Variants in PIK3CD observed in about 807,000 individuals in gnomAD.
PIK3CD encodes the protein phosphatidylinositol 4,5-bisphosphate 3-kinase catalytic subunit delta isoform.
Under a neutral mutation model 122.9 loss-of-function variants are expected in PIK3CD, and 20 were observed. The observed-to-expected ratio is 0.16, with a 90% CI of 0.11 to 0.24. PIK3CD has a LOEUF of 0.24. Ranked by LOEUF, PIK3CD falls within the 10% of genes least tolerant of loss-of-function variation. The probability of loss-of-function intolerance (pLI) is 1.00; values close to 1 mark genes in which losing one functional copy is unlikely to be tolerated. For missense variants in PIK3CD, 787 were observed against 1,406.3 expected (o/e 0.56, Z 7.04); for synonymous variants, 596 against 593.4 (o/e 1.00, Z -0.06).
the PIK3CD span, among the ~76,000 whole-genome samples, chr1:9,643,884 C>T: frequency 1.3e-5 from 2 of 152,150 alleles, no homozygotes; most frequent in East Asian, 1.9e-4. Flanking sequence ...GGTAAAGACT[C>T]GAGCTGGGTA....
chr1:9,672,613 CAG>C (rs1645366071), intron 1 of PIK3CD: 1 of 152,028 alleles, frequency 6.6e-6, no homozygotes, highest in African/African-American at 2.4e-5. Flanking sequence ...TCGGTAGAGA[CAG>C]GGGTCTTGCT....
chr1:9,679,146 C>A (rs931449966), intron 1 of PIK3CD, among the ~76,000 whole-genome samples: 1 of 149,866 alleles, frequency 6.7e-6, no homozygotes, highest in African/African-American at 2.5e-5. Flanking sequence ...TGGCTCACTG[C>A]AACCTCCGCC....
chr1:9,718,230 C>T lies in PIK3CD; in HGVS notation c.1021-464C>T, dbSNP rs1319577680. On this transcript the variant is annotated intron_variant, in intron 8 of 23. Transcript: ENST00000377346. The surrounding 1 kb of genome is among the most constrained non-coding windows in gnomAD (Gnocchi z 7.2). ...GCAGGGCAGGTCTGGGTTCCACTGGCAGGAATCGAGGGGGACTGGATCAGA... is the reference window on the plus strand; with the variant it reads ...GCAGGGCAGGTCTGGGTTCCACTGGTAGGAATCGAGGGGGACTGGATCAGA... 5 of 468,244 alleles carry T rather than the reference C, an allele frequency of 1.1e-5. No homozygotes were observed. Among genetic ancestry groups the T allele is most frequent in the African/African-American group, 7.9e-5 (4 of 50,524 alleles). The allele number at this position is 468,244 out of a possible 1,614,324, so 29.0% of individuals were successfully genotyped here.
At position 9,722,197 on chromosome 1, in the gene PIK3CD, G is replaced by A. The variant is rs374044121; in HGVS notation, c.2234+44G>A. Reference sequence around the variant, plus strand: ...ACAAGGGTTCCTCCCACCCCTGGGAGGCCGGTAGAGGAGCCCCTGCTGACT... The same window carrying A: ...ACAAGGGTTCCTCCCACCCCTGGGAAGCCGGTAGAGGAGCCCCTGCTGACT... On this transcript the variant is annotated intron_variant, in intron 17 of 23. Transcript: ENST00000377346. This position sits in a 1 kb window ranked among gnomAD's most constrained non-coding sequence, Gnocchi z 7.6. 4.3e-4 allele frequency: 697 copies of A among 1,611,398 alleles called. No individual in the cohort carries two copies. Among genetic ancestry groups the A allele is most frequent in the South Asian group, 8.9e-4 (81 of 90,790 alleles).
upstream of PIK3CD, among the ~76,000 whole-genome samples, chr1:9,649,452 C>T (rs576296754): frequency 6.6e-6 from 1 of 152,098 alleles, no homozygotes; most frequent in Non-Finnish European, 1.5e-5. Flanking sequence ...AGGCTGGTCT[C>T]AAACTCCTGG....
At chr1:9,663,368 C>T (rs1281787692) in intron 1 of PIK3CD, among the ~76,000 whole-genome samples, 1 of 152,072 alleles carries the variant, frequency 6.6e-6, no homozygotes, top group Admixed American at 6.6e-5. Flanking sequence ...CGAGAGGGTG[C>T]GGAGGAACAT....
At chr1:9,674,737 A>G (rs1645452339) in intron 1 of PIK3CD, among the ~76,000 whole-genome samples, 1 of 151,504 alleles carries the variant, frequency 6.6e-6, no homozygotes, top group Admixed American at 6.6e-5. Flanking sequence ...AGAGAAAAGG[A>G]AAATACTAAG....
In PIK3CD at chr1:9,722,671, G is replaced by A. The variant is rs1557673481; in HGVS notation, c.2426+65G>A. On this transcript the variant is annotated intron_variant, in intron 19 of 23. Transcript: ENST00000377346. The surrounding 1 kb of genome is among the most constrained non-coding windows in gnomAD (Gnocchi z 7.6). ...CCCAGCCTGGGAGTCTGTGCCCCTG[G>A]AGGGGTCCTTGTTGAAGGTGGCATG... 1.5e-6 allele frequency: 2 copies of A among 1,355,404 alleles called. No homozygotes were observed. The highest frequency in any genetic ancestry group is 2.1e-6 in the Non-Finnish European group (2 of 946,628). The allele number at this position is 1,355,404 out of a possible 1,614,324, so 84.0% of individuals were successfully genotyped here.
intron 1 of PIK3CD, among the ~76,000 whole-genome samples, chr1:9,690,757 G>A (rs74969407): frequency 1.3e-5 from 2 of 152,202 alleles, no homozygotes; most frequent in African/African-American, 4.8e-5. Flanking sequence ...GGAGAAGCCG[G>A]TGGTTTTGGT....
At chr1:9,663,600 A>G (rs1206513200) in intron 1 of PIK3CD, among the ~76,000 whole-genome samples, 1 of 151,184 alleles carries the variant, frequency 6.6e-6, no homozygotes, top group Admixed American at 6.6e-5. Context: ...TTTTTTTATT[A>G]TACTTTAAGT....
chr1:9,650,237 C>T (rs1315367033), upstream of PIK3CD, among the ~76,000 whole-genome samples: 2 of 152,076 alleles, frequency 1.3e-5, no homozygotes, highest in African/African-American at 4.8e-5. Flanking sequence ...GCCTGGTGAA[C>T]ATGGCGAAAC....
At position 9,722,098 on chromosome 1, in the gene PIK3CD, G is replaced by A; in HGVS notation, c.2179G>A (p.Ala727Thr). Residue 727 changes from alanine to threonine, a missense_variant, in exon 17 of 24, where the codon GCC (alanine) becomes ACC (threonine). Ala to Thr is a moderately conservative substitution (Grantham distance 58). Coordinates refer to ENST00000377346, the MANE Select transcript of PIK3CD (RefSeq NM_005026.5). The surrounding 1 kb of genome is among the most constrained non-coding windows in gnomAD (Gnocchi z 7.6). ...CATGCGGCAGGAGGCCTACCTAGAGGCCCTCTCCCACCTGCAGTCCCCACT... is the reference window on the plus strand; with the variant it reads ...CATGCGGCAGGAGGCCTACCTAGAGACCCTCTCCCACCTGCAGTCCCCACT... ...LCMRQEAYLE[A>T]LSHLQSPLDP... The A allele has an allele frequency of 6.2e-7, 1 of 1,613,426 alleles. No individual in the cohort carries two copies. The highest frequency in any genetic ancestry group is 8.5e-7 in the Non-Finnish European group (1 of 1,179,980).
chr1:9,715,791 T>C lies in PIK3CD; in HGVS notation c.370+22T>C. ...AAAGGTAGCTCTGCCGAGTGGGCCG[T>C]GTGGCCGGGCTGGCCCTGCCTGCCC... On this transcript the variant is annotated intron_variant, in intron 4 of 23. Transcript: ENST00000377346. This position sits in a 1 kb window ranked among gnomAD's most constrained non-coding sequence, Gnocchi z 4.1. 6.2e-7 allele frequency: 1 copy of C among 1,612,562 alleles called. No homozygotes were observed. The highest frequency in any genetic ancestry group is 1.6e-4 in the Middle Eastern group (1 of 6,062).
At chr1:9,696,090 G>GC (rs1210703023) in intron 2 of PIK3CD, among the ~76,000 whole-genome samples, 7 of 150,960 alleles carry the variant, frequency 4.6e-5, no homozygotes, top group Admixed American at 4.0e-4. Flanking sequence ...TCCTGCCTCA[G>GC]CCCCCCGAGT....
intron 2 of PIK3CD, among the ~76,000 whole-genome samples, chr1:9,699,224 A>G (rs957278854): frequency 6.6e-6 from 1 of 152,090 alleles, no homozygotes; most frequent in African/African-American, 2.4e-5. Context: ...CCGTGCCAAA[A>G]AAAGAGTAGG....
intron 13 of PIK3CD, 81 bp from the exon 14 acceptor site, chr1:9,721,046 C>G: frequency 6.9e-7 from 1 of 1,455,860 alleles, no homozygotes; most frequent in Non-Finnish European, 9.5e-7. Flanking sequence ...ACCACCCTGA[C>G]CCTGGCTGGC....
chr1:9,671,699 GC>G (rs1045939591), intron 1 of PIK3CD, among the ~76,000 whole-genome samples: 12 of 152,040 alleles, frequency 7.9e-5, no homozygotes, highest in African/African-American at 2.7e-4. Context: ...TCCCGCCTCG[GC>G]CCCCCAAAGT....
chr1:9,715,874 C>T lies in PIK3CD; in HGVS notation c.396C>T (p.Cys132=), dbSNP rs189908126. 35 of 1,592,016 alleles carry T rather than the reference C, an allele frequency of 2.2e-5. No individual in the cohort carries two copies. Among genetic ancestry groups the T allele is most frequent in the African/African-American group, 1.1e-4 (8 of 74,414 alleles). The change falls in exon 5 of 24, where the codon TGC becomes TGT. Residue 132 remains cysteine (C), a synonymous_variant. Transcript: ENST00000377346. This position sits in a 1 kb window ranked among gnomAD's most constrained non-coding sequence, Gnocchi z 4.1. The stretch of plus-strand genomic sequence containing the variant: ...GCCTCCACGAGTTTGACTCCTTGTG[C>T]GACCCAGAAGTGAACGACTTTCGCG... ...GKGLHEFDSL[C]DPEVNDFRAK...
At chr1:9,697,522 T>A (rs1288503631) in intron 2 of PIK3CD, among the ~76,000 whole-genome samples, 9 of 151,356 alleles carry the variant, frequency 5.9e-5, no homozygotes, top group Non-Finnish European at 1.2e-4. Context: ...AGTGAGAACC[T>A]ATTTCAAGAC....
Sources: gnomAD v4.1 joint callset for allele counts (sites outside exome capture counted in the v4.1 genomes callset) on GRCh38, gnomAD v4.1.1 for gene constraint, Gnocchi (gnomAD v3.1) non-coding constraint, MANE v1.5 for transcripts, NCBI Gene and HGNC (gene_info 2026-07-23, HGNC 2026-07-21) for gene names.